The following ACTA2 variants were observed in gnomAD, a reference collection of about 807,000 sequenced individuals.
The protein encoded by ACTA2 is actin alpha 2, smooth muscle, also known as actin, aortic smooth muscle.
In ACTA2, 12 loss-of-function variants were observed where a neutral mutation model predicts 39.5. That is an observed-to-expected ratio of 0.30 (90% CI 0.19 to 0.49). The LOEUF is 0.49. Among genes scored for constraint, ACTA2 ranks in the 20% least tolerant of loss-of-function variants. The probability of loss-of-function intolerance (pLI) is 0.99; values close to 1 mark genes in which losing one functional copy is unlikely to be tolerated. For synonymous variants in ACTA2, 158 were observed against 180.6 expected (o/e 0.88, Z 1.00); for missense variants, 236 against 498.8 (o/e 0.47, Z 5.02).
At chr10:88,956,566 G>A (rs1480362719), upstream of ACTA2, among the ~76,000 whole-genome samples, 1 of 152,142 alleles carries the variant, frequency 6.6e-6, no homozygotes, top group Non-Finnish European at 1.5e-5. Flanking sequence ...CATATCCACA[G>A]GTTTAGGGGA....
At chr10:88,952,781 C>T (rs1846073549), upstream of ACTA2, 1 of 152,316 alleles carries the variant, frequency 6.6e-6, no homozygotes. Context: ...TTCAGGGAAG[C>T]TGAAAGCTGA....
At position 88,990,009 on chromosome 10, in the gene ACTA2, G is replaced by A. The variant is rs1214198220; in HGVS notation, c.-24+930C>T. 2.0e-5 allele frequency among the ~76,000 whole-genome samples: 3 copies of A among 152,056 alleles called. No individual in the cohort carries two copies. Among genetic ancestry groups the A allele is most frequent in the Admixed American group, 6.5e-5 (1 of 15,278 alleles). Reference sequence around the variant, plus strand: ...AAGAATTACAAGATTTTTTTTTAAAGAAAATTGGCCAGGAAATAATGAGTA... The same window carrying A: ...AAGAATTACAAGATTTTTTTTTAAAAAAAATTGGCCAGGAAATAATGAGTA... On this transcript the variant is annotated intron_variant, in intron 1 of 4. Coordinates refer to the ACTA2 transcript ENST00000415557. The surrounding 1 kb of genome is among the most constrained non-coding windows in gnomAD (Gnocchi z 4.9).
At chr10:88,951,009 AT>A (rs1846039894) in intron 1 of ACTA2, among the ~76,000 whole-genome samples, 1 of 152,230 alleles carries the variant, frequency 6.6e-6, no homozygotes, top group Middle Eastern at 3.2e-3. Flanking sequence ...TAGAATAAAA[AT>A]AATCAACGTG....
chr10:88,961,927 T>C (rs892964948), intron 1 of ACTA2, among the ~76,000 whole-genome samples: 1 of 152,120 alleles, frequency 6.6e-6, no homozygotes, highest in African/African-American at 2.4e-5. Context: ...GATTTGCCTT[T>C]CTACTTCTTA....
Position 88,990,833 on chromosome 10 carries a change from G to C in ACTA2, c.-24+106C>G. The C allele has an allele frequency of 1.2e-6, 2 of 1,614,100 alleles. No homozygotes were observed. The highest frequency in any genetic ancestry group is 1.7e-6 in the Non-Finnish European group (2 of 1,179,940). On this transcript the variant is annotated intron_variant, in intron 1 of 4. Coordinates refer to the ACTA2 transcript ENST00000415557. The surrounding 1 kb of genome is among the most constrained non-coding windows in gnomAD (Gnocchi z 4.9). Reference sequence around the variant, plus strand: ...GCGGGTTGGTGGACCCGCTCAGTACGGAGTTGGGGAAGCTCTTTCACTTCG... The same window carrying C: ...GCGGGTTGGTGGACCCGCTCAGTACCGAGTTGGGGAAGCTCTTTCACTTCG...
intron 1 of ACTA2, among the ~76,000 whole-genome samples, chr10:88,979,923 A>G (rs995449037): frequency 6.6e-6 from 1 of 152,196 alleles, no homozygotes; most frequent in Non-Finnish European, 1.5e-5. Flanking sequence ...ATGGAATAAT[A>G]GAAGATATAG....
chr10:88,990,967 T>A lies in ACTA2; in HGVS notation c.-52A>T. ...GTCTTAGTCCCGGGGATAGGCAAAG[T>A]GGGGCGGGCGCGGGACGCGTGCGGG... On this transcript the variant is annotated 5_prime_UTR_variant, in exon 1 of 5. Coordinates refer to the ACTA2 transcript ENST00000415557. This position sits in a 1 kb window ranked among gnomAD's most constrained non-coding sequence, Gnocchi z 4.9. 2 of 1,611,416 alleles carry A rather than the reference T, an allele frequency of 1.2e-6. No individual in the cohort carries two copies. Among genetic ancestry groups the A allele is most frequent in the South Asian group, 2.2e-5 (2 of 91,010 alleles).
At chr10:88,959,819 T>C (rs1846198008) in intron 1 of ACTA2, among the ~76,000 whole-genome samples, 1 of 152,220 alleles carries the variant, frequency 6.6e-6, no homozygotes, top group Non-Finnish European at 1.5e-5. Flanking sequence ...TCTCAGACTT[T>C]TCTTATTTTT....
intron 4 of ACTA2, among the ~76,000 whole-genome samples, chr10:88,943,110 A>T (rs1027425845): frequency 1.3e-5 from 2 of 152,252 alleles, no homozygotes; most frequent in Non-Finnish European, 2.9e-5. Context: ...TGCTGAGCCC[A>T]GTACTTGACC....
chr10:88,950,236 G>A (rs1487138086), intron 1 of ACTA2, among the ~76,000 whole-genome samples: 4 of 152,136 alleles, frequency 2.6e-5, no homozygotes, highest in East Asian at 3.9e-4. Context: ...GAAATGTTCC[G>A]TTAAGAGAAG....
upstream of ACTA2, among the ~76,000 whole-genome samples, chr10:88,956,865 G>A (rs980475049): frequency 3.3e-5 from 5 of 152,196 alleles, no homozygotes; most frequent in African/African-American, 1.2e-4. Flanking sequence ...CAGGATCAAG[G>A]TGCCAGCATC....
chr10:88,945,812 G>C (rs1246983427), intron 3 of ACTA2, among the ~76,000 whole-genome samples: 2 of 152,140 alleles, frequency 1.3e-5, no homozygotes, highest in African/African-American at 4.8e-5. Context: ...TGTTTAGAGT[G>C]AGTTAATGAA....
chr10:88,935,492 CTGTT>C, intron 8 of ACTA2, 126 bp from the exon 9 acceptor site: 1 of 1,047,128 alleles, frequency 9.5e-7, no homozygotes, highest in East Asian at 2.5e-5. Flanking sequence ...ACAGGCTTGT[CTGTT>C]AGATGCCAAT....
At chr10:88,946,086 A>G (rs1266926680) in intron 3 of ACTA2, among the ~76,000 whole-genome samples, 2 of 152,112 alleles carry the variant, frequency 1.3e-5, no homozygotes, top group African/African-American at 4.8e-5. Context: ...AAAACCTAAT[A>G]GGCAAGGACA....
chr10:88,947,270 G>A lies in ACTA2; in HGVS notation c.246C>T (p.Asp82=), dbSNP rs1254836237. The change falls in exon 3 of 9, where the codon GAC becomes GAT. Residue 82 remains aspartate, a synonymous_variant. Coordinates refer to ENST00000224784, the MANE Select transcript of ACTA2 (RefSeq NM_001613.4). ...AAACCTCCCATACCTTTTCCATGTC[G>A]TCCCAGTTGGTGATGATGCCATGTT... ...PIEHGIITNW[D]DMEKIWHHSF... The A allele has an allele frequency of 2.5e-5, 41 of 1,613,710 alleles. No individual in the cohort carries two copies. The highest frequency in any genetic ancestry group is 4.0e-5 in the African/African-American group (3 of 74,864).
intron 1 of ACTA2, among the ~76,000 whole-genome samples, chr10:88,981,187 C>A (rs2133348354): frequency 6.6e-6 from 1 of 152,294 alleles, no homozygotes; most frequent in Non-Finnish European, 1.5e-5. Flanking sequence ...TCGAGCTCTG[C>A]CACATACTCG....
intron 1 of ACTA2, among the ~76,000 whole-genome samples, chr10:88,966,462 T>C (rs1248680761): frequency 6.6e-6 from 1 of 152,200 alleles, no homozygotes; most frequent in African/African-American, 2.4e-5. Context: ...CCTATTATTT[T>C]AATATCCTGT....
intron 1 of ACTA2, among the ~76,000 whole-genome samples, chr10:88,962,896 G>C (rs1167225007): frequency 2.5e-5 from 3 of 119,332 alleles, no homozygotes; most frequent in Non-Finnish European, 5.2e-5. Context: ...AAGAGAGTGA[G>C]TGCAGGGGAA....
intron 6 of ACTA2, chr10:88,940,387 T>C (rs1433687428): frequency 6.4e-6 from 1 of 155,988 alleles, no homozygotes; most frequent in African/African-American, 2.4e-5. Flanking sequence ...ATCTTGGGAT[T>C]CTTTGTAGGG....
Sources: gnomAD v4.1 joint callset for allele counts (sites outside exome capture counted in the v4.1 genomes callset) on GRCh38, gnomAD v4.1.1 for gene constraint, Gnocchi (gnomAD v3.1) non-coding constraint, MANE v1.5 for transcripts, NCBI Gene and HGNC (gene_info 2026-07-23, HGNC 2026-07-21) for gene names.